CHCHD6: variants seen among roughly 807,000 people sequenced by gnomAD.
The protein encoded by CHCHD6 is coiled-coil-helix-coiled-coil-helix domain containing 6, also known as MICOS complex subunit MIC25.
A neutral mutation model predicts 32.3 loss-of-function variants in CHCHD6; 28 were observed. That is an observed-to-expected ratio of 0.87 (90% confidence interval 0.64 to 1.19). The LOEUF (loss-of-function observed/expected upper bound fraction) is 1.19. CHCHD6 is among the 50% of genes most tolerant of loss of function. The probability of loss-of-function intolerance (pLI) is 0.00; values close to 1 mark genes in which losing one functional copy is unlikely to be tolerated. For missense variants in CHCHD6, 333 were observed against 307.0 expected (o/e 1.08, Z -0.63); for synonymous variants, 122 against 117.5 (o/e 1.04, Z -0.25).
chr3:126,756,146 G>C (rs770466513), intron 4 of CHCHD6, among the ~76,000 whole-genome samples: 1 of 152,050 alleles, frequency 6.6e-6, no homozygotes, highest in Non-Finnish European at 1.5e-5. Flanking sequence ...GTTTCCCACT[G>C]TGGTCGTGAT....
At chr3:126,707,722 G>A (rs758989202) in intron 1 of CHCHD6, among the ~76,000 whole-genome samples, 5 of 152,180 alleles carry the variant, frequency 3.3e-5, no homozygotes, top group Non-Finnish European at 5.9e-5. Flanking sequence ...GTCATGCATT[G>A]CTCCCATGAG....
chr3:126,827,080 G>A (rs1940427136), intron 4 of CHCHD6, among the ~76,000 whole-genome samples: 1 of 152,158 alleles, frequency 6.6e-6, no homozygotes, highest in African/African-American at 2.4e-5. Flanking sequence ...CAAGAATTTG[G>A]CATGTCAAAG....
chr3:126,863,207 C>A (rs1398683184), intron 5 of CHCHD6, among the ~76,000 whole-genome samples: 2 of 142,642 alleles, frequency 1.4e-5, no homozygotes, highest in Non-Finnish European at 3.1e-5. Flanking sequence ...ACCACCTTCC[C>A]CTCTACCACC....
At chr3:126,767,388 C>T (rs770769701) in intron 4 of CHCHD6, 9 of 761,758 alleles carry the variant, frequency 1.2e-5, no homozygotes, top group Non-Finnish European at 2.0e-5. Context: ...TGGCTGAGGC[C>T]CTCGATGAGT....
At chr3:126,749,492 T>C (rs1202921050) in intron 4 of CHCHD6, among the ~76,000 whole-genome samples, 1 of 152,208 alleles carries the variant, frequency 6.6e-6, no homozygotes, top group African/African-American at 2.4e-5. Context: ...GACTCCTCTC[T>C]GGCCTCCCTA....
intron 4 of CHCHD6, 69 bp downstream of exon 4, chr3:126,733,291 C>CT (rs1452181190): frequency 6.9e-7 from 1 of 1,455,602 alleles, no homozygotes; most frequent in Non-Finnish European, 9.4e-7. Flanking sequence ...GGGGCGGGCC[C>CT]TGGCACCTGG....
At chr3:126,839,597 C>CT (rs1292097587) in intron 4 of CHCHD6, among the ~76,000 whole-genome samples, 1 of 152,094 alleles carries the variant, frequency 6.6e-6, no homozygotes, top group Non-Finnish European at 1.5e-5. Flanking sequence ...CCTGCTGCAT[C>CT]TAATCAGTCA....
chr3:126,723,077 C>T (rs1462410089), intron 1 of CHCHD6, among the ~76,000 whole-genome samples: 1 of 152,194 alleles, frequency 6.6e-6, no homozygotes, highest in African/African-American at 2.4e-5. Flanking sequence ...CCCCACTGAA[C>T]CATCTTGGCA....
chr3:126,905,968 G>A (rs1009114136), intron 5 of CHCHD6, among the ~76,000 whole-genome samples: 2 of 152,136 alleles, frequency 1.3e-5, no homozygotes, highest in African/African-American at 4.8e-5. Flanking sequence ...AGAATGACTG[G>A]CAGAGGGAAA....
rs554591345 is a variant in CHCHD6 at position 126,831,984 on chromosome 3, T to C, written c.412-20663T>C. 2.6e-5 allele frequency among the ~76,000 whole-genome samples: 4 copies of C among 152,266 alleles called. No homozygotes were observed. In the East Asian group the frequency reaches 7.7e-4, roughly 29 times the overall value. On this transcript the variant is annotated intron_variant, in intron 4 of 7. Transcript: ENST00000290913. ...GGGATAAAAAGATGGGATAAATGCT[T>C]TTCAAATATGTCTAAAAATATTTGG... is the stretch of plus-strand genomic sequence containing the variant.
Position 126,960,252 on chromosome 3 carries a change from G to A in CHCHD6, c.*51G>A, listed in dbSNP as rs369976020. 2 of 1,549,944 alleles carry A rather than the reference G, an allele frequency of 1.3e-6. No individual in the cohort carries two copies. On this transcript the variant is annotated 3_prime_UTR_variant, in exon 8 of 8. Coordinates refer to ENST00000290913, the MANE Select transcript of CHCHD6 (RefSeq NM_032343.3). Reference sequence around the variant, plus strand: ...GCAGTGACTTGGAGCCCTGAAGAAGGGACCAATCATGGGACCACAGCCACT... The same window carrying A: ...GCAGTGACTTGGAGCCCTGAAGAAGAGACCAATCATGGGACCACAGCCACT...
At chr3:126,818,570 A>G (rs1940010631) in intron 4 of CHCHD6, among the ~76,000 whole-genome samples, 2 of 152,254 alleles carry the variant, frequency 1.3e-5, no homozygotes, top group South Asian at 4.1e-4. Context: ...TGTAATAGGA[A>G]TCACCATGGC....
At chr3:126,776,053 G>A (rs574290183) in intron 4 of CHCHD6, among the ~76,000 whole-genome samples, 1 of 152,312 alleles carries the variant, frequency 6.6e-6, no homozygotes, top group Middle Eastern at 3.4e-3. Flanking sequence ...TATGATGATC[G>A]GCTCAGCTAC....
rs1576437223 is a variant in CHCHD6, at chr3:126,804,527, T to C, written c.412-48120T>C. ...GACTAAACCAGGAAGAAGTTGAATCTCTGAATAGACCAATAACAGGATCTG... is the reference window on the plus strand; with the variant it reads ...GACTAAACCAGGAAGAAGTTGAATCCCTGAATAGACCAATAACAGGATCTG... On this transcript the variant is annotated intron_variant, in intron 4 of 7. Transcript: ENST00000290913. Among the ~76,000 whole-genome samples the C allele has an allele frequency of 6.6e-5, 10 of 152,100 alleles. 1 individual carries two copies. In the South Asian group the frequency reaches 2.1e-3, roughly 32 times the overall value.
chr3:126,927,281 C>T (rs1258573879), intron 6 of CHCHD6, among the ~76,000 whole-genome samples: 2 of 152,176 alleles, frequency 1.3e-5, no homozygotes, highest in Non-Finnish European at 2.9e-5. Flanking sequence ...CAGGAGCGTT[C>T]GTCTGCTGTC....
At chr3:126,841,932 A>C (rs1018862442) in intron 4 of CHCHD6, among the ~76,000 whole-genome samples, 2 of 151,332 alleles carry the variant, frequency 1.3e-5, no homozygotes, top group Non-Finnish European at 1.5e-5. Flanking sequence ...ACAAAACAAA[A>C]CCATTGCTTG....
At chr3:126,956,122 G>A (rs1483021535) in intron 6 of CHCHD6, among the ~76,000 whole-genome samples, 2 of 152,210 alleles carry the variant, frequency 1.3e-5, no homozygotes, top group Non-Finnish European at 2.9e-5. Context: ...AGACCCTGGT[G>A]GGAGAGCAAC....
intron 6 of CHCHD6, among the ~76,000 whole-genome samples, chr3:126,947,984 TGTG>T (rs1257794077): frequency 6.6e-6 from 1 of 152,186 alleles, no homozygotes; most frequent in African/African-American, 2.4e-5. Context: ...GAGCCTGGCA[TGTG>T]GTGGGCATTG....
intron 5 of CHCHD6, among the ~76,000 whole-genome samples, chr3:126,855,152 T>C (rs11714878): frequency 0.11 from 17,218 of 152,252 alleles, 1,026 homozygotes; most frequent in Middle Eastern, 0.22. Context: ...ATTGTTTCCA[T>C]TTCCCCATAG....
Sources: gnomAD v4.1 joint callset for allele counts (sites outside exome capture counted in the v4.1 genomes callset) on GRCh38, gnomAD v4.1.1 for gene constraint, MANE v1.5 for transcripts, NCBI Gene and HGNC (gene_info 2026-07-23, HGNC 2026-07-21) for gene names.